Variants in PARD3B observed in about 807,000 individuals in gnomAD.
PARD3B encodes the protein partitioning defective 3 homolog B.
PARD3B carries 103 observed loss-of-function variants against 130.2 expected under a neutral mutation model. That is an observed-to-expected ratio of 0.79 (90% CI 0.67 to 0.93). The LOEUF is 0.93. PARD3B is among the 40% of genes least tolerant of loss of function. The pLI, the probability that PARD3B is intolerant of heterozygous loss-of-function variation, is 0.00. For synonymous variants in PARD3B, 583 were observed against 553.2 expected (o/e 1.05, Z -0.76); for missense variants, 1,609 against 1,499.2 (o/e 1.07, Z -1.21).
chr2:204,668,900 C>T (rs900557196), intron 1 of PARD3B, among the ~76,000 whole-genome samples: 2 of 152,058 alleles, frequency 1.3e-5, no homozygotes, highest in African/African-American at 4.8e-5. Flanking sequence ...AAGAGGGAAG[C>T]AGGAGAGAAG....
chr2:205,580,744 CCT>C (rs2053933193), intron 22 of PARD3B, among the ~76,000 whole-genome samples: 1 of 152,066 alleles, frequency 6.6e-6, no homozygotes, highest in African/African-American at 2.4e-5. Context: ...TTTAAATCTT[CCT>C]CTGTTTCAAC....
At chr2:204,563,677 GT>G (rs2031489404) in intron 1 of PARD3B, among the ~76,000 whole-genome samples, 1 of 152,084 alleles carries the variant, frequency 6.6e-6, no homozygotes, top group African/African-American at 2.4e-5. Context: ...AAACATTTTG[GT>G]ATCTGCTTCC....
intron 1 of PARD3B, among the ~76,000 whole-genome samples, chr2:204,595,215 G>T (rs2033234464): frequency 6.6e-6 from 1 of 152,158 alleles, no homozygotes; most frequent in Admixed American, 6.5e-5. Flanking sequence ...GTCTCCAAAG[G>T]AGAGCAAAGT....
intron 20 of PARD3B, among the ~76,000 whole-genome samples, chr2:205,466,281 C>T (rs751527990): frequency 6.6e-6 from 1 of 152,234 alleles, no homozygotes; most frequent in Admixed American, 6.5e-5. Flanking sequence ...TTTCAGCTGT[C>T]ATTTCCTCAT....
chr2:205,316,065 G>C (rs1350505356), intron 18 of PARD3B, among the ~76,000 whole-genome samples: 4 of 152,082 alleles, frequency 2.6e-5, no homozygotes, highest in Non-Finnish European at 5.9e-5. Context: ...CTGAATGACT[G>C]ACTGGTTTAT....
chr2:204,751,482 T>C (rs917867754), intron 2 of PARD3B, among the ~76,000 whole-genome samples: 27 of 152,312 alleles, frequency 1.8e-4, no homozygotes, highest in South Asian at 4.1e-4. Context: ...GGAGAAATAT[T>C]AGTTCTGCCT....
intron 10 of PARD3B, among the ~76,000 whole-genome samples, chr2:205,126,818 C>A (rs900867417): frequency 7.1e-6 from 1 of 140,674 alleles, no homozygotes; most frequent in Admixed American, 7.1e-5. Flanking sequence ...TGTTCATAAT[C>A]TAATACTATA....
intron 18 of PARD3B, among the ~76,000 whole-genome samples, chr2:205,388,293 C>T (rs1271185346): frequency 6.6e-6 from 1 of 152,164 alleles, no homozygotes; most frequent in African/African-American, 2.4e-5. Flanking sequence ...AGGAATTACT[C>T]ATCTGTGGTA....
At chr2:204,598,581 A>C (rs1215111872) in intron 1 of PARD3B, among the ~76,000 whole-genome samples, 1 of 152,112 alleles carries the variant, frequency 6.6e-6, no homozygotes, top group Non-Finnish European at 1.5e-5. Context: ...TTAGAACAAT[A>C]CCAGACACAT....
chr2:204,714,876 T>A (rs748117265), intron 2 of PARD3B, among the ~76,000 whole-genome samples: 1 of 152,226 alleles, frequency 6.6e-6, no homozygotes, highest in African/African-American at 2.4e-5. Flanking sequence ...AGTGAGGTGC[T>A]ATAATTTTCA....
chr2:204,708,037 G>T (rs983615427), intron 2 of PARD3B, among the ~76,000 whole-genome samples: 1 of 152,274 alleles, frequency 6.6e-6, no homozygotes. Flanking sequence ...CCCACAGCAG[G>T]ATGAGGATAG....
intron 15 of PARD3B, among the ~76,000 whole-genome samples, chr2:205,217,862 G>GTATA (rs2038014881): frequency 1.3e-5 from 1 of 78,826 alleles, no homozygotes; most frequent in African/African-American, 5.8e-5. Context: ...GTGTGTGTGT[G>GTATA]TGTGTGTATA....
Position 205,397,830 on chromosome 2 carries a change from G to A in PARD3B, c.2631-3183G>A, listed in dbSNP as rs982114219. Among the ~76,000 whole-genome samples, 5 of 152,078 alleles carry A rather than the reference G, an allele frequency of 3.3e-5. No homozygotes were observed. The highest frequency in any genetic ancestry group is 6.6e-5 in the Admixed American group (1 of 15,248). On this transcript the variant is annotated intron_variant, in intron 18 of 22. Transcript: ENST00000406610. This position sits in a 1 kb window ranked among gnomAD's most constrained non-coding sequence, Gnocchi z 4.8. ...TTATGTATCTCAAGTGATGTACTGA[G>A]CTATTAACTTCTCACGTAAACATAC...
chr2:205,332,729 GC>G (rs2043182487), intron 18 of PARD3B, among the ~76,000 whole-genome samples: 1 of 152,110 alleles, frequency 6.6e-6, no homozygotes, highest in Non-Finnish European at 1.5e-5. Flanking sequence ...GGAGGAGGGT[GC>G]AGAGAGCTCT....
At chr2:205,357,269 T>C (rs2044229347) in intron 18 of PARD3B, among the ~76,000 whole-genome samples, 1 of 152,186 alleles carries the variant, frequency 6.6e-6, no homozygotes, top group Non-Finnish European at 1.5e-5. Flanking sequence ...ATGTTCACAC[T>C]CCTTTGGTGA....
intron 2 of PARD3B, among the ~76,000 whole-genome samples, chr2:204,714,617 C>A (rs77854410): frequency 0.02 from 3,027 of 152,182 alleles, 88 homozygotes; most frequent in African/African-American, 0.067. Context: ...GAAATTATTT[C>A]CAAAGAGGAA....
intron 13 of PARD3B, among the ~76,000 whole-genome samples, chr2:205,180,777 TACC>T (rs2125773587): frequency 6.6e-6 from 1 of 152,282 alleles, no homozygotes; most frequent in Admixed American, 6.5e-5. Context: ...GAAATCGTAA[TACC>T]AGAAAATTCA....
intron 2 of PARD3B, among the ~76,000 whole-genome samples, chr2:204,854,480 G>A (rs941622031): frequency 5.3e-5 from 8 of 152,118 alleles, no homozygotes; most frequent in Non-Finnish European, 7.4e-5. Context: ...TAATGATAAC[G>A]AAGCAGAAAG....
chr2:205,504,374 A>G lies in PARD3B; in HGVS notation c.3180+4343A>G, dbSNP rs552884679. ...TAAAACACCAAAAGCAATGGCAACAAAAGCCAACATTGACAAATGGGATCT... is the reference window on the plus strand; with the variant it reads ...TAAAACACCAAAAGCAATGGCAACAGAAGCCAACATTGACAAATGGGATCT... On this transcript the variant is annotated intron_variant, in intron 21 of 22. Coordinates refer to ENST00000406610, the MANE Select transcript of PARD3B (RefSeq NM_001302769.2). Among the ~76,000 whole-genome samples the G allele has an allele frequency of 3.9e-5, 6 of 152,306 alleles. No individual in the cohort carries two copies. The East Asian group carries it at 1.2e-3, about 29-fold the overall frequency.
Sources: allele counts gnomAD v4.1 joint callset (sites outside exome capture counted in the v4.1 genomes callset), GRCh38; gene constraint gnomAD v4.1.1; non-coding constraint Gnocchi (gnomAD v3.1); transcripts MANE v1.5; gene names NCBI Gene and HGNC (gene_info 2026-07-23, HGNC 2026-07-21).